PKHD1: variants seen among roughly 807,000 people sequenced by gnomAD.
PKHD1 encodes the protein PKHD1 ciliary IPT domain containing fibrocystin/polyductin, also known as fibrocystin.
Under a neutral mutation model 412.0 loss-of-function variants are expected in PKHD1, and 291 were observed. The observed-to-expected ratio is 0.71, with a 90% CI of 0.64 to 0.78. PKHD1 has a LOEUF of 0.78. Among genes scored for constraint, PKHD1 ranks in the 30% least tolerant of loss-of-function variants. The probability of loss-of-function intolerance (pLI) is 0.00; values close to 1 mark genes in which losing one functional copy is unlikely to be tolerated. For synonymous variants in PKHD1, 1,777 were observed against 1,821.5 expected (o/e 0.98, Z 0.62); for missense variants, 4,825 against 4,950.7 (o/e 0.97, Z 0.76).
In PKHD1 at chr6:52,030,184, C is replaced by T. The variant is rs538627672; in HGVS notation, c.3365-1833G>A. 1.9e-3 allele frequency among the ~76,000 whole-genome samples: 291 copies of T among 152,278 alleles called. 2 individuals are homozygous for T. The highest frequency in any genetic ancestry group is 1.8e-3 in the Non-Finnish European group (121 of 68,026). On this transcript the variant is annotated intron_variant, in intron 29 of 66. Coordinates refer to ENST00000371117, the MANE Select transcript of PKHD1 (RefSeq NM_138694.4). ...AAGAGGTTGCTTGAAAGAGAAAAGT[C>T]AAAGAAGAGGGATGTGGTGTGGTGG...
intron 60 of PKHD1, among the ~76,000 whole-genome samples, chr6:51,707,536 C>T (rs1188000393): frequency 6.6e-6 from 1 of 152,158 alleles, no homozygotes; most frequent in Non-Finnish European, 1.5e-5. Context: ...TCTAAGACCT[C>T]CTGGATCTTA....
chr6:51,661,750 G>C (rs1772907941), intron 60 of PKHD1, among the ~76,000 whole-genome samples: 1 of 151,820 alleles, frequency 6.6e-6, no homozygotes, highest in South Asian at 2.1e-4. Flanking sequence ...GAATTTCTTT[G>C]ATTTAAAATT....
chr6:51,824,870 T>C (rs1346700036), intron 52 of PKHD1, among the ~76,000 whole-genome samples: 1 of 152,118 alleles, frequency 6.6e-6, no homozygotes, highest in African/African-American at 2.4e-5. Flanking sequence ...CACTGCAAAG[T>C]GAGCAATTCC....
At position 51,616,879 on chromosome 6, in the gene PKHD1, G is replaced by T. The variant is rs1182627109; in HGVS notation, c.*2202C>A. ...GCTGGCAGCTAACTCTTTGTGAAGG[G>T]CGAAATAGAATGAAGAGTCATGACT... On this transcript the variant is annotated 3_prime_UTR_variant, in exon 67 of 67. Transcript: ENST00000371117. 2.6e-6 allele frequency: 1 copy of T among 388,632 alleles called. No individual in the cohort carries two copies. Among genetic ancestry groups the T allele is most frequent in the East Asian group, 3.6e-5 (1 of 27,564 alleles). The allele number at this position is 388,632 out of a possible 1,614,324, so 24.1% of individuals were successfully genotyped here. A position where few individuals can be genotyped will look rare whatever the true frequency, so the allele number is the denominator to read the frequency against.
chr6:51,730,670 A>G (rs1168854764), intron 60 of PKHD1, among the ~76,000 whole-genome samples: 2 of 152,170 alleles, frequency 1.3e-5, no homozygotes, highest in Admixed American at 6.5e-5. Context: ...CAGACAAGCG[A>G]ATTTTTCAGA....
rs1229792686 is a variant in PKHD1 at position 52,076,168 on chromosome 6, AAAG to A, written c.448+105_448+107del. 94 of 774,134 alleles carry A rather than the reference AAAG, an allele frequency of 1.2e-4. 1 individual carries two copies. Among genetic ancestry groups the A allele is most frequent in the South Asian group, 1.0e-3 (70 of 69,508 alleles). 48.0% of individuals were successfully genotyped at this position (774,134 alleles called of 1,614,324 possible). ...TGACTCTTATTTTCAAAACAGCATC[AAAG>A]AAGAAGTTAAATTTTCCCACTCATA... On this transcript the variant is annotated intron_variant, in intron 6 of 66. Transcript: ENST00000371117.
chr6:51,903,924 T>C lies in PKHD1; in HGVS notation c.6865+62A>G. The C allele has an allele frequency of 2.6e-6, 3 of 1,174,854 alleles. No homozygotes were observed. In the Admixed American group the frequency reaches 5.3e-5, roughly 21 times the overall value. The allele number at this position is 1,174,854 out of a possible 1,614,324, so 72.8% of individuals were successfully genotyped here. On this transcript the variant is annotated intron_variant, in intron 42 of 66. Transcript: ENST00000371117. ...CTAACATTTTGCCATCAGGCTTGTC[T>C]ATAAAATATATGACAATTTTAAATA...
At chr6:52,018,961 A>G (rs530929481) in intron 33 of PKHD1, among the ~76,000 whole-genome samples, 37 of 152,330 alleles carry the variant, frequency 2.4e-4, no homozygotes, top group African/African-American at 8.4e-4. Flanking sequence ...TCACATAATT[A>G]TAAACATTAG....
intron 46 of PKHD1, among the ~76,000 whole-genome samples, chr6:51,882,650 C>T (rs1159326362): frequency 1.3e-5 from 2 of 152,144 alleles, no homozygotes; most frequent in African/African-American, 4.8e-5. Context: ...CTAGTGCTTC[C>T]CACCCGGGAG....
intron 37 of PKHD1, among the ~76,000 whole-genome samples, chr6:51,921,987 G>A (rs527755754): frequency 4.6e-5 from 7 of 152,182 alleles, no homozygotes; most frequent in African/African-American, 9.7e-5. Context: ...AAGGAGCTGC[G>A]ATCTTTTGGA....
At chr6:51,836,306 C>T in intron 51 of PKHD1, 98 bp downstream of exon 51, 2 of 833,112 alleles carry the variant, frequency 2.4e-6, no homozygotes, top group Non-Finnish European at 4.2e-6. Context: ...GGACTGATAC[C>T]TGCCTGTTTA....
At chr6:51,797,876 G>C (rs556258236) in intron 52 of PKHD1, among the ~76,000 whole-genome samples, 3 of 152,250 alleles carry the variant, frequency 2.0e-5, no homozygotes, top group African/African-American at 4.8e-5. Context: ...TTGCAGACTT[G>C]TTTATGTGGT....
intron 47 of PKHD1, 29 bp from the exon 48 acceptor site, chr6:51,868,138 A>G: frequency 1.9e-6 from 3 of 1,580,098 alleles, no homozygotes; most frequent in South Asian, 1.1e-5. Flanking sequence ...AAAGATTATT[A>G]CACAATGGCA....
chr6:51,788,721 C>T lies in PKHD1; in HGVS notation c.8440+2515G>A, dbSNP rs138564289. On this transcript the variant is annotated intron_variant, in intron 53 of 66. Transcript: ENST00000371117. ...ATGAGCCCTAGGGTATACCTCATCC[C>T]ATTTGGATCTTTGTAAATCATTTCT... 1.6e-3 allele frequency among the ~76,000 whole-genome samples: 229 copies of T among 147,640 alleles called. 2 individuals are homozygous for T. Among genetic ancestry groups the T allele is most frequent in the African/African-American group, 5.8e-3 (217 of 37,290 alleles).
chr6:51,692,625 T>G (rs1452512343), intron 60 of PKHD1, among the ~76,000 whole-genome samples: 2 of 152,168 alleles, frequency 1.3e-5, no homozygotes, highest in Non-Finnish European at 2.9e-5. Context: ...TCTCGTCCAT[T>G]TTTTTCCCAT....
chr6:51,796,508 C>T (rs2151295667), intron 52 of PKHD1, among the ~76,000 whole-genome samples: 1 of 151,430 alleles, frequency 6.6e-6, no homozygotes, highest in East Asian at 1.9e-4. Context: ...CAGTTCAGCT[C>T]AGATCTTGGT....
At chr6:51,842,767 G>A (rs369480761) in intron 50 of PKHD1, among the ~76,000 whole-genome samples, 6 of 152,176 alleles carry the variant, frequency 3.9e-5, no homozygotes, top group Non-Finnish European at 7.3e-5. Context: ...GTGATTATAC[G>A]CTCCCTCTGA....
Position 52,056,922 on chromosome 6 carries a change from G to A in PKHD1, c.1570C>T (p.Gln524Ter), listed in dbSNP as rs914876666. ...GCTGTGGCATTTGCAGGGATTGGCTGACTAGAGACATTGTCCCAAGTAAGG... is the reference window on the plus strand; with the variant it reads ...GCTGTGGCATTTGCAGGGATTGGCTAACTAGAGACATTGTCCCAAGTAAGG... ...FFLTWDNVSS[Q>*]PIPANATAHL... The change falls in exon 17 of 67, where the codon CAG (glutamine) becomes TAG (stop). Residue 524 changes from glutamine (Q) to a stop codon, truncating the protein, a stop_gained. Coordinates refer to ENST00000371117, the MANE Select transcript of PKHD1 (RefSeq NM_138694.4). LOFTEE classifies it high-confidence loss of function. 2 of 1,613,862 alleles carry A rather than the reference G, an allele frequency of 1.2e-6. No individual in the cohort carries two copies. The highest frequency in any genetic ancestry group is 8.5e-7 in the Non-Finnish European group (1 of 1,179,790).
At chr6:51,802,212 C>A (rs746597220) in intron 52 of PKHD1, among the ~76,000 whole-genome samples, 3 of 147,014 alleles carry the variant, frequency 2.0e-5, no homozygotes, top group Non-Finnish European at 4.4e-5. Flanking sequence ...ATAGTTGTCA[C>A]CTTGCTCAGA....
Sources: gnomAD v4.1 joint callset for allele counts (sites outside exome capture counted in the v4.1 genomes callset) on GRCh38, gnomAD v4.1.1 for gene constraint, MANE v1.5 for transcripts, NCBI Gene and HGNC (gene_info 2026-07-23, HGNC 2026-07-21) for gene names.